EXOC6B: variants seen among roughly 807,000 people sequenced by gnomAD.
EXOC6B encodes exocyst complex component 6B, also known as SEC15 homolog B.
EXOC6B carries 54 observed loss-of-function variants against 113.5 expected under a neutral mutation model. That is an observed-to-expected ratio of 0.48 (90% CI 0.38 to 0.60). EXOC6B has a LOEUF of 0.60. EXOC6B is among the 20% of genes least tolerant of loss of function. EXOC6B has a pLI of 0.00. For missense variants in EXOC6B, 797 were observed against 977.5 expected (o/e 0.82, Z 2.46); for synonymous variants, 357 against 339.0 (o/e 1.05, Z -0.58).
intron 8 of EXOC6B, among the ~76,000 whole-genome samples, chr2:72,537,630 C>T (rs1289783982): frequency 6.6e-6 from 1 of 151,960 alleles, no homozygotes; most frequent in African/African-American, 2.4e-5. Flanking sequence ...GAGACCCTTT[C>T]TCAAAAAATA....
chr2:72,232,344 G>T (rs1056359459), intron 20 of EXOC6B, among the ~76,000 whole-genome samples: 1 of 152,062 alleles, frequency 6.6e-6, no homozygotes, highest in Non-Finnish European at 1.5e-5. Context: ...ATTAAAATGG[G>T]CCCTCTCATG....
In EXOC6B at chr2:72,728,918, G is replaced by A. The variant is rs550569487; in HGVS notation, c.464+2089C>T. Among the ~76,000 whole-genome samples the A allele has an allele frequency of 5.3e-5, 8 of 152,224 alleles. No individual in the cohort carries two copies. The South Asian group carries it at 6.2e-4, about 12-fold the overall frequency. On this transcript the variant is annotated intron_variant, in intron 5 of 21. Coordinates refer to ENST00000272427, the MANE Select transcript of EXOC6B (RefSeq NM_015189.3). ...TAGACTACCATGGAGTGATTAAAACGAGCAAACTGTATCTATACACATAAA... is the reference window on the plus strand; with the variant it reads ...TAGACTACCATGGAGTGATTAAAACAAGCAAACTGTATCTATACACATAAA...
intron 20 of EXOC6B, chr2:72,289,086 G>T (rs1685625540): frequency 6.9e-6 from 2 of 291,612 alleles, no homozygotes; most frequent in East Asian, 9.3e-5. Flanking sequence ...AAAACACACA[G>T]GAGGGGAAAT....
chr2:72,603,519 A>G (rs2104017747), intron 6 of EXOC6B, among the ~76,000 whole-genome samples: 1 of 152,248 alleles, frequency 6.6e-6, no homozygotes, highest in East Asian at 1.9e-4. Flanking sequence ...GCAGGAGGGA[A>G]CAGAGCAATC....
Position 72,525,698 on chromosome 2 carries a change from A to T in EXOC6B, c.916-10572T>A, listed in dbSNP as rs1701716576. Among the ~76,000 whole-genome samples the T allele has an allele frequency of 3.3e-5, 5 of 152,254 alleles. No homozygotes were observed. In the South Asian group the frequency reaches 1.0e-3, roughly 32 times the overall value. On this transcript the variant is annotated intron_variant, in intron 8 of 21. Coordinates refer to ENST00000272427, the MANE Select transcript of EXOC6B (RefSeq NM_015189.3). ...GTAGACAAGAACATTTTTAATATAA[A>T]ACAAATAAGGTGCAAGTTATTTTAC...
chr2:72,234,375 G>A (rs954639257), intron 20 of EXOC6B, among the ~76,000 whole-genome samples: 3 of 152,004 alleles, frequency 2.0e-5, no homozygotes, highest in Non-Finnish European at 2.9e-5. Flanking sequence ...GAGGCACTGC[G>A]CCCAGCCTTC....
chr2:72,796,279 C>T (rs1179662872), intron 1 of EXOC6B, among the ~76,000 whole-genome samples: 1 of 151,484 alleles, frequency 6.6e-6, no homozygotes, highest in Non-Finnish European at 1.5e-5. Context: ...GTTGGTGAAA[C>T]CCCATCTCTA....
At chr2:72,532,684 T>C (rs559148709) in intron 8 of EXOC6B, among the ~76,000 whole-genome samples, 59 of 152,168 alleles carry the variant, frequency 3.9e-4, no homozygotes, top group Admixed American at 5.9e-4. Flanking sequence ...GGCGCGCGCC[T>C]GTAATCACAG....
intron 21 of EXOC6B, among the ~76,000 whole-genome samples, chr2:72,180,976 G>A (rs538385656): frequency 2.6e-5 from 4 of 152,184 alleles, no homozygotes; most frequent in East Asian, 1.9e-4. Context: ...TTGGGAGGCC[G>A]AGGCGGGTGG....
chr2:72,690,586 A>G (rs575628058), intron 6 of EXOC6B, among the ~76,000 whole-genome samples: 55 of 152,354 alleles, frequency 3.6e-4, no homozygotes, highest in African/African-American at 1.3e-3. Flanking sequence ...CAAATGCAGT[A>G]GTCTTTCTAA....
rs146678474 is a variant in EXOC6B at position 72,463,996 on chromosome 2, G to A, written c.1980+1164C>T. 6 of 152,260 alleles carry A rather than the reference G, an allele frequency of 3.9e-5. No homozygotes were observed. In the East Asian group the frequency reaches 1.2e-3, roughly 29 times the overall value. 9.4% of individuals were successfully genotyped at this position (152,260 alleles called of 1,614,324 possible). A position where few individuals can be genotyped will look rare whatever the true frequency, so the allele number is the denominator to read the frequency against. Reference sequence around the variant, plus strand: ...ACAAGGAACAAGGCAGCTCTCTGAAGTCTCTTTTATAAGTATACTAATCCC... The same window carrying A: ...ACAAGGAACAAGGCAGCTCTCTGAAATCTCTTTTATAAGTATACTAATCCC... On this transcript the variant is annotated intron_variant, in intron 18 of 21. Transcript: ENST00000272427.
At chr2:72,185,283 A>C (rs1678349221) in intron 20 of EXOC6B, among the ~76,000 whole-genome samples, 1 of 152,252 alleles carries the variant, frequency 6.6e-6, no homozygotes, top group Non-Finnish European at 1.5e-5. Context: ...CAGAGGGCCA[A>C]GAGTGCAGTC....
Position 72,418,778 on chromosome 2 carries a change from G to A in EXOC6B, c.1981-38908C>T, listed in dbSNP as rs1573076558. Among the ~76,000 whole-genome samples, 6 of 152,204 alleles carry A rather than the reference G, an allele frequency of 3.9e-5. No homozygotes were observed. In the South Asian group the frequency reaches 1.2e-3, roughly 32 times the overall value. ...TCCATTCTGCCAAACTCTGTCCTTT[G>A]ACTGGAGAGGTTAAACCACTTATAT... On this transcript the variant is annotated intron_variant, in intron 18 of 21. Coordinates refer to ENST00000272427, the MANE Select transcript of EXOC6B (RefSeq NM_015189.3).
chr2:72,184,972 G>T (rs1678327325), intron 20 of EXOC6B, among the ~76,000 whole-genome samples: 2 of 152,212 alleles, frequency 1.3e-5, no homozygotes, highest in South Asian at 4.1e-4. Context: ...AGCTTTCTGA[G>T]GGTGAGCTGA....
rs578158222 is a variant in EXOC6B at position 72,713,680 on chromosome 2, T to G, written c.669+4423A>C. Among the ~76,000 whole-genome samples the G allele has an allele frequency of 7.9e-5, 12 of 150,970 alleles. 1 individual carries two copies. In the South Asian group the frequency reaches 2.3e-3, roughly 29 times the overall value. On this transcript the variant is annotated intron_variant, in intron 6 of 21. Coordinates refer to ENST00000272427, the MANE Select transcript of EXOC6B (RefSeq NM_015189.3). ...AAAGCCAATACTGTGATTGTCAGAC[T>G]AAAAATAATAACAAAGTTCTAAATA...
At chr2:72,229,029 T>C (rs1681439730) in intron 20 of EXOC6B, among the ~76,000 whole-genome samples, 1 of 152,350 alleles carries the variant, frequency 6.6e-6, no homozygotes, top group South Asian at 2.1e-4. Context: ...ATAGTGAGCA[T>C]TTTTTCATGT....
chr2:72,736,968 G>A (rs1282423401), intron 2 of EXOC6B, among the ~76,000 whole-genome samples: 3 of 152,166 alleles, frequency 2.0e-5, no homozygotes, highest in African/African-American at 4.8e-5. Context: ...CTTTTGTCCA[G>A]CTAAGGCTGA....
chr2:72,772,051 C>A (rs866603089), intron 1 of EXOC6B, among the ~76,000 whole-genome samples: 2 of 152,116 alleles, frequency 1.3e-5, no homozygotes, highest in African/African-American at 4.8e-5. Flanking sequence ...GAGATCACAG[C>A]ACCTAGGTAG....
intron 8 of EXOC6B, among the ~76,000 whole-genome samples, chr2:72,540,093 A>C (rs1702516178): frequency 6.6e-6 from 1 of 151,192 alleles, no homozygotes; most frequent in Non-Finnish European, 1.5e-5. Context: ...ATGATTTCCA[A>C]TTTCATCCAT....
Sources: allele counts gnomAD v4.1 joint callset (sites outside exome capture counted in the v4.1 genomes callset), GRCh38; gene constraint gnomAD v4.1.1; transcripts MANE v1.5; gene names NCBI Gene and HGNC (gene_info 2026-07-23, HGNC 2026-07-21).